Variants in CDKL4 observed in about 807,000 individuals in gnomAD.
CDKL4 encodes the protein cyclin dependent kinase like 4, also known as cyclin-dependent kinase-like 4.
In CDKL4, 44 loss-of-function variants were observed where a neutral mutation model predicts 42.0. The observed-to-expected ratio is 1.05, with a 90% CI of 0.82 to 1.35. The LOEUF (loss-of-function observed/expected upper bound fraction) is 1.35, where lower values mean the gene tolerates loss of function less well. Ranked by LOEUF, CDKL4 falls within the 40% of genes most tolerant of loss-of-function variation. CDKL4 has a pLI of 0.00. For synonymous variants in CDKL4, 120 were observed against 121.6 expected (o/e 0.99, Z 0.09); for missense variants, 393 against 369.9 (o/e 1.06, Z -0.51).
At chr2:39,184,794 G>A in intron 7 of CDKL4, 147 bp from the exon 8 acceptor site, 2 of 580,306 alleles carry the variant, frequency 3.4e-6, no homozygotes, top group East Asian at 3.1e-5. Flanking sequence ...CAGTGCAGTG[G>A]CATGATCATA....
intron 2 of CDKL4, among the ~76,000 whole-genome samples, chr2:39,227,517 T>C (rs552924103): frequency 7.2e-5 from 11 of 152,118 alleles, no homozygotes; most frequent in African/African-American, 2.4e-4. Flanking sequence ...CGCGTGAACC[T>C]AGGAGTTCGA....
intron 6 of CDKL4, among the ~76,000 whole-genome samples, chr2:39,190,043 A>G (rs762426740): frequency 1.8e-4 from 27 of 152,154 alleles, no homozygotes; most frequent in Non-Finnish European, 8.8e-5. Context: ...TATGGAAAGT[A>G]AATGTATAGT....
At position 39,185,559 on chromosome 2, in the gene CDKL4, T is replaced by C. The variant is rs769747929; in HGVS notation, c.736-912A>G. On this transcript the variant is annotated intron_variant, in intron 7 of 9. Coordinates refer to ENST00000451199, the Ensembl canonical transcript of CDKL4. ...CTCACAGCAAGCTCCGCCTCCCGGG[T>C]TGATGCCATTCTCCTGCCTCAGTCT... Among the ~76,000 whole-genome samples, 178 of 148,344 alleles carry C rather than the reference T, an allele frequency of 1.2e-3. 1 individual carries two copies. Among genetic ancestry groups the C allele is most frequent in the Non-Finnish European group, 2.2e-3 (149 of 67,318 alleles).
intron 9 of CDKL4, 144 bp downstream of exon 9, chr2:39,179,043 C>A: frequency 6.7e-7 from 1 of 1,488,244 alleles, no homozygotes; most frequent in Non-Finnish European, 8.9e-7. Context: ...CATCAATTAC[C>A]AATATTTATT....
rs1677698855 is a variant in CDKL4 at position 39,213,334 on chromosome 2, T to C, written c.363+66A>G. 5 of 1,080,848 alleles carry C rather than the reference T, an allele frequency of 4.6e-6. No individual in the cohort carries two copies. In the South Asian group the frequency reaches 5.5e-5, roughly 12 times the overall value. The allele number at this position is 1,080,848 out of a possible 1,614,324, so 67.0% of individuals were successfully genotyped here. On this transcript the variant is annotated intron_variant, in intron 4 of 9. Transcript: ENST00000451199. ...GTCTTCAGCTCTCCAAACAAAACCC[T>C]GAGCTATTTAGAAGAAAAGAGTCAT...
intron 3 of CDKL4, among the ~76,000 whole-genome samples, chr2:39,220,139 T>C (rs1390976849): frequency 6.6e-6 from 1 of 152,100 alleles, no homozygotes; most frequent in Non-Finnish European, 1.5e-5. Context: ...GAAGGAAAAA[T>C]AGTCCAGGAA....
At chr2:39,187,319 T>G (rs530535202) in intron 7 of CDKL4, among the ~76,000 whole-genome samples, 1 of 152,220 alleles carries the variant, frequency 6.6e-6, no homozygotes, top group African/African-American at 2.4e-5. Flanking sequence ...TTTACAGCAG[T>G]GTGAAAATAG....
downstream of CDKL4, among the ~76,000 whole-genome samples, chr2:39,170,852 C>A (rs1674980815): frequency 1.3e-5 from 2 of 152,062 alleles, no homozygotes; most frequent in Admixed American, 1.3e-4. Flanking sequence ...TTTGAGAATT[C>A]TGTGACCAGG....
At chr2:39,236,824 C>T (rs1297815269) in intron 1 of CDKL4, among the ~76,000 whole-genome samples, 2 of 152,028 alleles carry the variant, frequency 1.3e-5, no homozygotes, top group Non-Finnish European at 2.9e-5. Flanking sequence ...ATACAAAATA[C>T]CAAAATGGAC....
At chr2:39,180,277 A>T (rs1175135194) in intron 8 of CDKL4, among the ~76,000 whole-genome samples, 1 of 152,218 alleles carries the variant, frequency 6.6e-6, no homozygotes, top group African/African-American at 2.4e-5. Flanking sequence ...CCTGACAATT[A>T]TTGCCTTCCA....
intron 4 of CDKL4, among the ~76,000 whole-genome samples, chr2:39,207,384 C>CA (rs879807671): frequency 1.0e-4 from 15 of 147,172 alleles, no homozygotes; most frequent in East Asian, 2.0e-4. Context: ...GACCCTGTCT[C>CA]AAAAAAAAAA....
chr2:39,203,719 T>G (rs1418351915), intron 5 of CDKL4, among the ~76,000 whole-genome samples: 1 of 152,232 alleles, frequency 6.6e-6, no homozygotes, highest in African/African-American at 2.4e-5. Flanking sequence ...ACCATGGTAC[T>G]ATGTGCCGCG....
At chr2:39,229,298 T>C in intron 2 of CDKL4, 67 bp downstream of exon 2, 1 of 1,149,586 alleles carries the variant, frequency 8.7e-7, no homozygotes, top group South Asian at 1.6e-5. Context: ...TTAAAATTCT[T>C]TGCAATTTTA....
intron 4 of CDKL4, among the ~76,000 whole-genome samples, chr2:39,211,781 A>T (rs1247045489): frequency 6.6e-6 from 1 of 152,030 alleles, no homozygotes. Context: ...ATGATAATGG[A>T]GGGGACCAAA....
intron 7 of CDKL4, among the ~76,000 whole-genome samples, chr2:39,185,548 C>T (rs1210589498): frequency 1.3e-5 from 2 of 149,066 alleles, no homozygotes; most frequent in Non-Finnish European, 3.0e-5. Context: ...CAGCAAGCTC[C>T]GCCTCCCGGG....
At chr2:39,172,319 C>T (rs1675023525), downstream of CDKL4, among the ~76,000 whole-genome samples, 1 of 142,430 alleles carries the variant, frequency 7.0e-6, no homozygotes, top group South Asian at 2.2e-4. Flanking sequence ...GTCCCCGCTC[C>T]GAAAAAAAAA....
At chr2:39,225,856 C>T in exon 3 of CDKL4, 2 of 1,601,886 alleles carry the variant, frequency 1.2e-6, no homozygotes, top group Non-Finnish European at 8.5e-7. Context: ...GGTTTCTTTC[C>T]AGCTCATTTA....
At chr2:39,175,271 G>A (rs17023368), downstream of CDKL4, among the ~76,000 whole-genome samples, 252 of 152,276 alleles carry the variant, frequency 1.7e-3, 6 homozygotes, top group East Asian at 0.023. Context: ...AGGAGAAAAG[G>A]ATAAGGAATG....
chr2:39,234,871 T>C (rs1158668748), intron 1 of CDKL4, among the ~76,000 whole-genome samples: 2 of 151,738 alleles, frequency 1.3e-5, no homozygotes, highest in African/African-American at 2.4e-5. Context: ...TGCAAAGCTA[T>C]AGATAAACAT....
Sources: allele counts gnomAD v4.1 joint callset (sites outside exome capture counted in the v4.1 genomes callset), GRCh38; gene constraint gnomAD v4.1.1; transcripts MANE v1.5; gene names NCBI Gene and HGNC (gene_info 2026-07-23, HGNC 2026-07-21).